CNTN5: variants seen among roughly 807,000 people sequenced by gnomAD.
The protein encoded by CNTN5 is contactin 5, also known as contactin-5.
CNTN5 carries 77 observed loss-of-function variants against 129.1 expected under a neutral mutation model. The observed-to-expected ratio is 0.60, with a 90% CI of 0.50 to 0.72. The LOEUF (loss-of-function observed/expected upper bound fraction) is 0.72. Among genes scored for constraint, CNTN5 ranks in the 30% least tolerant of loss-of-function variants. The pLI, the probability that CNTN5 is intolerant of heterozygous loss-of-function variation, is 0.00. For synonymous variants in CNTN5, 509 were observed against 465.6 expected (o/e 1.09, Z -1.20); for missense variants, 1,478 against 1,328.8 (o/e 1.11, Z -1.75).
intron 16 of CNTN5, among the ~76,000 whole-genome samples, chr11:100,254,421 C>T (rs1388296934): frequency 7.9e-5 from 12 of 152,058 alleles, no homozygotes; most frequent in Non-Finnish European, 1.8e-4. Context: ...ATTTTGCTTC[C>T]TTCATTTATC....
intron 8 of CNTN5, among the ~76,000 whole-genome samples, chr11:99,981,936 T>C (rs1337318874): frequency 6.6e-6 from 1 of 152,144 alleles, no homozygotes; most frequent in Non-Finnish European, 1.5e-5. Flanking sequence ...GAAACAAAAT[T>C]GCAGTCATAC....
intron 1 of CNTN5, among the ~76,000 whole-genome samples, chr11:99,277,565 T>G (rs1383813607): frequency 1.3e-5 from 2 of 151,712 alleles, no homozygotes; most frequent in Non-Finnish European, 3.0e-5. Flanking sequence ...TGGGACATTG[T>G]GTTTGTAGTT....
At chr11:99,300,715 C>G (rs1320099936) in intron 1 of CNTN5, among the ~76,000 whole-genome samples, 6 of 151,712 alleles carry the variant, frequency 4.0e-5, no homozygotes, top group African/African-American at 1.5e-4. Context: ...CAGATCTGCC[C>G]TACAAAAATA....
chr11:100,005,581 C>T (rs1157750151), intron 9 of CNTN5, among the ~76,000 whole-genome samples: 1 of 152,086 alleles, frequency 6.6e-6, no homozygotes, highest in African/African-American at 2.4e-5. Context: ...ATAACTGAAA[C>T]TTTATTTTTA....
rs1317894113 is a variant in CNTN5 at position 99,129,256 on chromosome 11, A to T, written c.-210+107986A>T. On this transcript the variant is annotated intron_variant, in intron 1 of 24. Transcript: ENST00000524871. ...TAGAATAACCAGTTTAGAGAGGAAC[A>T]TAAATGACCTGATGGAGCTGAAGAA... is the stretch of plus-strand genomic sequence containing the variant. Among the ~76,000 whole-genome samples, 3 of 152,222 alleles carry T rather than the reference A, an allele frequency of 2.0e-5. No homozygotes were observed. In the East Asian group the frequency reaches 5.8e-4, roughly 29 times the overall value.
At chr11:100,276,374 G>T (rs1278758110) in intron 18 of CNTN5, among the ~76,000 whole-genome samples, 5 of 151,726 alleles carry the variant, frequency 3.3e-5, no homozygotes, top group Non-Finnish European at 7.4e-5. Context: ...AACCATCTCT[G>T]CTAAACATAT....
chr11:99,275,225 CT>C (rs1425805691), intron 1 of CNTN5, among the ~76,000 whole-genome samples: 1 of 151,260 alleles, frequency 6.6e-6, no homozygotes, highest in Admixed American at 6.6e-5. Flanking sequence ...ACAAACACAT[CT>C]TTTTTCATCT....
chr11:99,720,771 C>T lies in CNTN5; in HGVS notation c.56-98773C>T, dbSNP rs558125855. On this transcript the variant is annotated intron_variant, in intron 3 of 24. Transcript: ENST00000524871. ...ACCCAGTAGTCTTGGACAAAAGCTC[C>T]TTCAGTGGATAAACTTCAGCAAAGT... is the stretch of plus-strand genomic sequence containing the variant. Among the ~76,000 whole-genome samples the T allele has an allele frequency of 1.6e-4, 25 of 152,188 alleles. No individual in the cohort carries two copies. In the South Asian group the frequency reaches 5.0e-3, roughly 30 times the overall value.
At chr11:99,247,122 A>T (rs1861849301) in intron 1 of CNTN5, among the ~76,000 whole-genome samples, 1 of 152,144 alleles carries the variant, frequency 6.6e-6, no homozygotes, top group Non-Finnish European at 1.5e-5. Flanking sequence ...AATACAGAAC[A>T]TTTGTTCAAA....
At chr11:99,654,910 C>G (rs1250638666) in intron 3 of CNTN5, among the ~76,000 whole-genome samples, 1 of 151,938 alleles carries the variant, frequency 6.6e-6, no homozygotes, top group African/African-American at 2.4e-5. Flanking sequence ...AAGGTTTAAT[C>G]TTAGTGTCCC....
chr11:100,172,609 T>C (rs765049682), intron 13 of CNTN5, among the ~76,000 whole-genome samples: 1 of 151,974 alleles, frequency 6.6e-6, no homozygotes, highest in Non-Finnish European at 1.5e-5. Flanking sequence ...ATAAGTAATG[T>C]ATTAGATATG....
At chr11:99,816,179 T>A (rs1254939779) in intron 3 of CNTN5, among the ~76,000 whole-genome samples, 1 of 152,204 alleles carries the variant, frequency 6.6e-6, no homozygotes, top group Non-Finnish European at 1.5e-5. Context: ...GACATTCCAC[T>A]TTCCTACTTT....
At chr11:99,986,969 A>T (rs1306468614) in intron 8 of CNTN5, among the ~76,000 whole-genome samples, 3 of 152,234 alleles carry the variant, frequency 2.0e-5, no homozygotes, top group Non-Finnish European at 4.4e-5. Flanking sequence ...ACATCAGCTT[A>T]TTCATTCACA....
chr11:100,087,633 G>C (rs114488617), intron 13 of CNTN5, among the ~76,000 whole-genome samples: 4,356 of 151,932 alleles, frequency 0.029, 132 homozygotes, highest in African/African-American at 0.072. Context: ...AATTCATAAA[G>C]CAAATACTTC....
intron 1 of CNTN5, among the ~76,000 whole-genome samples, chr11:99,150,117 A>G (rs539411705): frequency 1.1e-4 from 17 of 152,084 alleles, no homozygotes; most frequent in Non-Finnish European, 2.5e-4. Context: ...TTTGTTTGAA[A>G]TGTAGTTCTT....
At chr11:99,099,188 A>G (rs1362306063) in intron 1 of CNTN5, among the ~76,000 whole-genome samples, 1 of 152,170 alleles carries the variant, frequency 6.6e-6, no homozygotes, top group Non-Finnish European at 1.5e-5. Flanking sequence ...ATGAGTAGGC[A>G]TTTATCTCAT....
intron 3 of CNTN5, among the ~76,000 whole-genome samples, chr11:99,723,792 G>A (rs192539122): frequency 0.01 from 1,446 of 143,706 alleles, 12 homozygotes; most frequent in Non-Finnish European, 0.015. Context: ...GCATGCGCAC[G>A]CGTGTGTGTT....
chr11:99,386,080 G>A (rs1389486526), intron 2 of CNTN5, among the ~76,000 whole-genome samples: 7 of 152,244 alleles, frequency 4.6e-5, no homozygotes, highest in East Asian at 3.9e-4. Flanking sequence ...ACTCAAGCCC[G>A]TTTTTCTGAA....
intron 21 of CNTN5, among the ~76,000 whole-genome samples, chr11:100,318,242 G>GAAAA (rs66824133): frequency 8.6e-4 from 66 of 76,696 alleles, no homozygotes; most frequent in African/African-American, 3.2e-3. Flanking sequence ...CTCTGTCTCA[G>GAAAA]AAAAAAAAAA....
Sources: gnomAD v4.1 joint callset for allele counts (sites outside exome capture counted in the v4.1 genomes callset) on GRCh38, gnomAD v4.1.1 for gene constraint, MANE v1.5 for transcripts, NCBI Gene and HGNC (gene_info 2026-07-23, HGNC 2026-07-21) for gene names.